Variants in EBF1 observed in about 807,000 individuals in gnomAD.
EBF1 encodes transcription factor COE1.
Under a neutral mutation model 68.4 loss-of-function variants are expected in EBF1, and 10 were observed. The observed-to-expected ratio is 0.15, with a 90% confidence interval of 0.09 to 0.25. The LOEUF is 0.25. Ranked by LOEUF, EBF1 falls within the 10% of genes least tolerant of loss-of-function variation. The probability of loss-of-function intolerance (pLI) is 1.00; values close to 1 mark genes in which losing one functional copy is unlikely to be tolerated. For missense variants in EBF1, 509 were observed against 794.4 expected, an observed-to-expected ratio of 0.64 and a Z score of 4.32; for synonymous variants, 298 against 299.8, an observed-to-expected ratio of 0.99 and a Z score of 0.06.
intron 6 of EBF1, among the ~76,000 whole-genome samples, chr5:158,856,567 C>G (rs542747164): frequency 6.6e-6 from 1 of 151,892 alleles, no homozygotes; most frequent in Non-Finnish European, 1.5e-5. Context: ...TAACTGAATA[C>G]TTTACCAAGT....
intron 10 of EBF1, among the ~76,000 whole-genome samples, chr5:158,771,370 C>A (rs1245019072): frequency 1.3e-5 from 2 of 151,978 alleles, no homozygotes; most frequent in Non-Finnish European, 2.9e-5. Context: ...TAAGCCAAAT[C>A]CCATTTTTTC....
At chr5:158,900,112 T>C (rs1802980650) in intron 6 of EBF1, among the ~76,000 whole-genome samples, 1 of 152,182 alleles carries the variant, frequency 6.6e-6, no homozygotes, top group South Asian at 2.1e-4. Flanking sequence ...AGCTTCCTCC[T>C]ACCGCTGCAG....
At chr5:158,963,577 A>T (rs781293205) in intron 6 of EBF1, among the ~76,000 whole-genome samples, 4 of 152,184 alleles carry the variant, frequency 2.6e-5, no homozygotes, top group Non-Finnish European at 5.9e-5. Flanking sequence ...TAGAATCACA[A>T]ATAGAACGAC....
intron 10 of EBF1, among the ~76,000 whole-genome samples, chr5:158,768,632 G>A (rs183467965): frequency 1.1e-3 from 165 of 152,172 alleles, no homozygotes; most frequent in African/African-American, 3.7e-3. Context: ...ATGCCCTAGC[G>A]GGTCCCACGT....
At chr5:159,096,648 C>T in intron 2 of EBF1, 1 of 612,486 alleles carries the variant, frequency 1.6e-6, no homozygotes, top group Non-Finnish European at 2.9e-6. Context: ...TTTCCAGGGC[C>T]TAGGGGCTCG....
chr5:159,030,663 G>C (rs2127741850), intron 6 of EBF1, among the ~76,000 whole-genome samples: 2 of 152,302 alleles, frequency 1.3e-5, no homozygotes, highest in Middle Eastern at 3.4e-3. Context: ...AATGTGTCTG[G>C]GAAAGAGAAA....
chr5:158,716,911 G>A (rs919327335), intron 11 of EBF1, among the ~76,000 whole-genome samples: 15 of 152,138 alleles, frequency 9.9e-5, no homozygotes, highest in African/African-American at 3.6e-4. Flanking sequence ...CTCAATAATG[G>A]GTTTGGCACC....
chr5:158,841,949 C>T (rs1217677958), intron 6 of EBF1, among the ~76,000 whole-genome samples: 8 of 152,304 alleles, frequency 5.3e-5, no homozygotes, highest in East Asian at 1.9e-4. Context: ...AATCACTTGC[C>T]GCTACTTCCA....
intron 6 of EBF1, among the ~76,000 whole-genome samples, chr5:158,973,509 C>G (rs559522267): frequency 3.3e-5 from 5 of 151,920 alleles, no homozygotes; most frequent in African/African-American, 1.2e-4. Flanking sequence ...TTAGATAGGA[C>G]CAGCAAATCA....
chr5:159,064,480 T>C (rs1400931084), intron 6 of EBF1, among the ~76,000 whole-genome samples: 1 of 152,182 alleles, frequency 6.6e-6, no homozygotes, highest in Non-Finnish European at 1.5e-5. Flanking sequence ...ATCTGTCAAA[T>C]GGAGTCAATT....
chr5:158,785,153 G>C (rs1777177445), intron 9 of EBF1, among the ~76,000 whole-genome samples: 2 of 152,188 alleles, frequency 1.3e-5, no homozygotes, highest in African/African-American at 4.8e-5. Context: ...ACTTAAATAA[G>C]AAAACTGTAA....
chr5:158,771,032 G>A (rs185914935), intron 10 of EBF1, among the ~76,000 whole-genome samples: 11 of 152,238 alleles, frequency 7.2e-5, no homozygotes, highest in East Asian at 3.9e-4. Flanking sequence ...ACATTTGTGA[G>A]GTGAATGAAT....
chr5:158,708,233 A>G, intron 14 of EBF1, 60 bp from the exon 15 acceptor site: 1 of 1,510,586 alleles, frequency 6.6e-7, no homozygotes, highest in South Asian at 1.2e-5. Context: ...GAAGCAAAGA[A>G]GCTCAGATCC....
intron 6 of EBF1, among the ~76,000 whole-genome samples, chr5:158,985,415 A>G (rs1180794892): frequency 6.6e-6 from 1 of 152,244 alleles, no homozygotes; most frequent in African/African-American, 2.4e-5. Context: ...TCTCTACCCC[A>G]TACCAATTAT....
intron 10 of EBF1, among the ~76,000 whole-genome samples, chr5:158,774,084 T>C (rs1774504480): frequency 6.6e-6 from 1 of 152,210 alleles, no homozygotes; most frequent in Non-Finnish European, 1.5e-5. Context: ...GAAAGTGCTA[T>C]TGAGCTTTTC....
At chr5:158,744,902 A>G (rs1346730688) in intron 10 of EBF1, among the ~76,000 whole-genome samples, 1 of 152,168 alleles carries the variant, frequency 6.6e-6, no homozygotes, top group East Asian at 1.9e-4. Flanking sequence ...ATGGTTCTTG[A>G]TGTTTTCTGC....
intron 15 of EBF1, among the ~76,000 whole-genome samples, chr5:158,704,876 TA>T (rs1250144645): frequency 6.6e-6 from 1 of 152,184 alleles, no homozygotes; most frequent in Non-Finnish European, 1.5e-5. Flanking sequence ...AAGAAGAGCT[TA>T]AAGTGAGATG....
At chr5:158,823,823 G>A (rs187862165) in intron 7 of EBF1, among the ~76,000 whole-genome samples, 3 of 152,114 alleles carry the variant, frequency 2.0e-5, no homozygotes, top group East Asian at 3.9e-4. Context: ...TTTCTTGTAC[G>A]TTTTTCTTTC....
chr5:158,920,453 C>T (rs1461179153), intron 6 of EBF1, among the ~76,000 whole-genome samples: 2 of 152,230 alleles, frequency 1.3e-5, no homozygotes, highest in Non-Finnish European at 2.9e-5. Context: ...ATGTCGTTCC[C>T]TGCCCTCCAA....
Sources: allele counts gnomAD v4.1 joint callset (sites outside exome capture counted in the v4.1 genomes callset), GRCh38; gene constraint gnomAD v4.1.1; transcripts MANE v1.5; gene names NCBI Gene and HGNC (gene_info 2026-07-23, HGNC 2026-07-21).